Variants in ZNF507 observed in about 807,000 individuals in gnomAD.
The protein encoded by ZNF507 is zinc finger protein 507.
ZNF507 carries 29 observed loss-of-function variants against 80.0 expected under a neutral mutation model. That is an observed-to-expected ratio of 0.36 (90% confidence interval 0.27 to 0.49). ZNF507 has a LOEUF of 0.49. ZNF507 is among the 20% of genes least tolerant of loss of function. ZNF507 has a pLI of 0.98. For synonymous variants in ZNF507, 462 were observed against 422.5 expected, an observed-to-expected ratio of 1.09 and a Z score of -1.15; for missense variants, 1,081 against 1,152.2, an observed-to-expected ratio of 0.94 and a Z score of 0.90.
At chr19:32,364,585 G>A (rs1967372629) in intron 5 of ZNF507, among the ~76,000 whole-genome samples, 1 of 152,168 alleles carries the variant, frequency 6.6e-6, no homozygotes, top group African/African-American at 2.4e-5. Context: ...AACATACGAT[G>A]TTTGGTTTTC....
chr19:32,387,550 T>G lies in ZNF507; in HGVS notation c.*4467T>G, dbSNP rs1489081794. On this transcript the variant is annotated 3_prime_UTR_variant, in exon 7 of 7. Transcript: ENST00000355898. ...TGTGGCAGCCACTATAATATCTAAG[T>G]GTAAAATACATAGCAGTTGCAAAGA... 6.6e-6 allele frequency: 1 copy of G among 152,204 alleles called. No individual in the cohort carries two copies. Among genetic ancestry groups the G allele is most frequent in the Non-Finnish European group, 1.5e-5 (1 of 68,036 alleles). 9.4% of individuals were successfully genotyped at this position (152,204 alleles called of 1,614,324 possible). A position where few individuals can be genotyped will look rare whatever the true frequency, so the allele number is the denominator to read the frequency against.
rs1388945898 is a variant in ZNF507, at chr19:32,386,281, C to G, written c.*3198C>G. Reference sequence around the variant, plus strand: ...TCTCACAAAGTAAATGGTGGGCATCCATGTTTACATTGCACCTTCCCGTGC... The same window carrying G: ...TCTCACAAAGTAAATGGTGGGCATCGATGTTTACATTGCACCTTCCCGTGC... On this transcript the variant is annotated 3_prime_UTR_variant, in exon 7 of 7. Coordinates refer to ENST00000355898, the MANE Select transcript of ZNF507 (RefSeq NM_001136156.2). The G allele has an allele frequency of 6.6e-6, 1 of 152,572 alleles. No individual in the cohort carries two copies. Among genetic ancestry groups the G allele is most frequent in the African/African-American group, 2.4e-5 (1 of 41,424 alleles). The allele number at this position is 152,572 out of a possible 1,614,324, so 9.5% of individuals were successfully genotyped here.
At chr19:32,374,787 CTCT>C (rs1339610796) in intron 5 of ZNF507, among the ~76,000 whole-genome samples, 2 of 152,112 alleles carry the variant, frequency 1.3e-5, no homozygotes, top group Admixed American at 1.3e-4. Context: ...CGGCCTATAC[CTCT>C]TCTTTCTTTC....
intron 5 of ZNF507, among the ~76,000 whole-genome samples, chr19:32,369,459 T>C (rs1410493913): frequency 2.6e-5 from 4 of 152,184 alleles, no homozygotes; most frequent in Admixed American, 2.6e-4. Flanking sequence ...CAGTGTGCTC[T>C]TTTGTCATGT....
rs772903575 is a variant in ZNF507, at chr19:32,353,999, A to G, written c.1169A>G (p.Asn390Ser). The G allele has an allele frequency of 4.3e-6, 7 of 1,614,066 alleles. No homozygotes were observed. The highest frequency in any genetic ancestry group is 1.6e-4 in the Middle Eastern group (1 of 6,084). The change falls in exon 3 of 7, where the codon AAT (asparagine) becomes AGT (serine). Residue 390 changes from asparagine to serine, a missense_variant. Transcript: ENST00000355898. ...CAGAAAATCATCAGCAGCAGCCCCA[A>G]TAAAAAAGGGCATGTTAACGTGATA... ...SAQKIISSSP[N>S]KKGHVNVIVE...
intron 5 of ZNF507, among the ~76,000 whole-genome samples, chr19:32,378,093 C>T (rs757979538): frequency 2.6e-5 from 4 of 152,066 alleles, no homozygotes; most frequent in Admixed American, 6.5e-5. Flanking sequence ...TGGCTCAGTG[C>T]GTGTAATCCC....
At chr19:32,368,663 G>A (rs1886899762) in intron 5 of ZNF507, among the ~76,000 whole-genome samples, 1 of 152,120 alleles carries the variant, frequency 6.6e-6, no homozygotes, top group Admixed American at 6.5e-5. Flanking sequence ...GTTTTATCAG[G>A]AGGAAAAAAT....
chr19:32,369,763 T>C (rs537220863), intron 5 of ZNF507, among the ~76,000 whole-genome samples: 3 of 152,348 alleles, frequency 2.0e-5, no homozygotes, highest in African/African-American at 7.2e-5. Context: ...TACTTTTTTG[T>C]GGCAAAAGCA....
intron 2 of ZNF507, 72 bp from the exon 3 acceptor site, chr19:32,352,757 A>G (rs576512909): frequency 7.3e-7 from 1 of 1,368,282 alleles, no homozygotes; most frequent in African/African-American, 1.5e-5. Context: ...ACATTCTCTT[A>G]TATTTTCCAA....
chr19:32,364,643 G>T (rs1265189145), intron 5 of ZNF507, among the ~76,000 whole-genome samples: 1 of 152,106 alleles, frequency 6.6e-6, no homozygotes, highest in Non-Finnish European at 1.5e-5. Context: ...ATCTCATCCA[G>T]GTCACTGCAA....
At chr19:32,378,867 C>T (rs1482136002) in intron 5 of ZNF507, among the ~76,000 whole-genome samples, 1 of 152,186 alleles carries the variant, frequency 6.6e-6, no homozygotes, top group Non-Finnish European at 1.5e-5. Context: ...CTCGGGACCA[C>T]ATCTGAATGA....
chr19:32,368,927 T>C (rs1227333920), intron 5 of ZNF507, among the ~76,000 whole-genome samples: 1 of 152,224 alleles, frequency 6.6e-6, no homozygotes, highest in East Asian at 1.9e-4. Context: ...CTTTTTTCCA[T>C]CTAAGCCCTC....
In ZNF507 at chr19:32,352,844, G is replaced by A; in HGVS notation, c.14G>A (p.Ser5Asn). ...TCCTTTTTAGATATGGAAGAAAGTAGCAGTGTTGCCATGTTGGTGCCAGAT... is the reference window on the plus strand; with the variant it reads ...TCCTTTTTAGATATGGAAGAAAGTAACAGTGTTGCCATGTTGGTGCCAGAT... MEESSSVAMLVPDIG... is the reference protein window; with the variant it reads MEESNSVAMLVPDIG... Residue 5 changes from serine (S) to asparagine (N), a missense_variant, in exon 3 of 7, where the codon AGC becomes AAC. By Grantham distance (46) the Ser-to-Asn change is conservative. Coordinates refer to ENST00000355898, the MANE Select transcript of ZNF507 (RefSeq NM_001136156.2). The A allele has an allele frequency of 6.3e-7, 1 of 1,579,310 alleles. No homozygotes were observed. Among genetic ancestry groups the A allele is most frequent in the Non-Finnish European group, 8.6e-7 (1 of 1,167,146 alleles).
Position 32,353,650 on chromosome 19 carries a change from G to GTTGA in ZNF507, c.824_827dup (p.Cys276Ter). ...ACACGCTTGGAAACATGCTGGGGAGGTTGATTGCTCCTATCCAATCTTTGA... is the reference window on the plus strand; with the variant it reads ...ACACGCTTGGAAACATGCTGGGGAGGTTGATTGATTGCTCCTATCCAATCTTTGA... On this transcript the variant is annotated frameshift_variant, in exon 3 of 7. Coordinates refer to ENST00000355898, the MANE Select transcript of ZNF507 (RefSeq NM_001136156.2). LOFTEE classifies it high-confidence loss of function. 6.2e-7 allele frequency: 1 copy of GTTGA among 1,614,208 alleles called. No individual in the cohort carries two copies. The highest frequency in any genetic ancestry group is 8.5e-7 in the Non-Finnish European group (1 of 1,180,040).
intron 2 of ZNF507, among the ~76,000 whole-genome samples, chr19:32,351,375 C>T (rs12981453): frequency 0.11 from 15,634 of 146,784 alleles, 1,391 homozygotes; most frequent in East Asian, 0.44. Flanking sequence ...AAAGCCATAG[C>T]TGCTGCCCAG....
chr19:32,376,069 A>G (rs1391899719), intron 5 of ZNF507, among the ~76,000 whole-genome samples: 1 of 152,216 alleles, frequency 6.6e-6, no homozygotes, highest in African/African-American at 2.4e-5. Flanking sequence ...AATTCCACCA[A>G]TTCCATCCAA....
intron 4 of ZNF507, chr19:32,357,368 G>A (rs185048101): frequency 1.3e-5 from 2 of 152,314 alleles, no homozygotes; most frequent in African/African-American, 2.4e-5. Flanking sequence ...AAGCTGTGCC[G>A]CTTTGGTTCA....
chr19:32,360,690 A>T (rs963129702), intron 5 of ZNF507, 72 bp downstream of exon 5: 20 of 798,530 alleles, frequency 2.5e-5, no homozygotes, highest in Non-Finnish European at 3.6e-5. Flanking sequence ...AAATGAAATA[A>T]AAATGTATAG....
At chr19:32,358,178 G>A (rs951506062) in intron 4 of ZNF507, 1 of 151,870 alleles carries the variant, frequency 6.6e-6, no homozygotes, top group Non-Finnish European at 1.5e-5. Context: ...CAGTACTGTA[G>A]CAGTTCAAAT....
Sources: allele counts gnomAD v4.1 joint callset (sites outside exome capture counted in the v4.1 genomes callset), GRCh38; gene constraint gnomAD v4.1.1; transcripts MANE v1.5; gene names NCBI Gene and HGNC (gene_info 2026-07-23, HGNC 2026-07-21).